The following NOSTRIN variants were observed in gnomAD, a reference collection of about 807,000 sequenced individuals.
NOSTRIN encodes BM247 homolog.
Under a neutral mutation model 59.0 loss-of-function variants are expected in NOSTRIN, and 63 were observed. That is an observed-to-expected ratio of 1.07 (90% CI 0.87 to 1.32). The LOEUF (loss-of-function observed/expected upper bound fraction) is 1.32. Ranked by LOEUF, NOSTRIN falls within the 40% of genes most tolerant of loss-of-function variation. The pLI is 0.00. For missense variants in NOSTRIN, 512 were observed against 473.1 expected, an observed-to-expected ratio of 1.08 and a Z score of -0.76; for synonymous variants, 200 against 165.4, an observed-to-expected ratio of 1.21 and a Z score of -1.61.
At chr2:168,817,344 C>A (rs185903901) in intron 2 of NOSTRIN, among the ~76,000 whole-genome samples, 97 of 152,302 alleles carry the variant, frequency 6.4e-4, no homozygotes, top group Non-Finnish European at 1.0e-3. Flanking sequence ...AGCCCAGTGG[C>A]TTTCAAACCT....
At chr2:168,826,652 C>A (rs1687079563) in intron 3 of NOSTRIN, among the ~76,000 whole-genome samples, 1 of 152,158 alleles carries the variant, frequency 6.6e-6, no homozygotes, top group Non-Finnish European at 1.5e-5. Flanking sequence ...GTCCTGAGAC[C>A]CAGCTCCTCC....
At chr2:168,787,309 A>T (rs150177332) in intron 1 of NOSTRIN, among the ~76,000 whole-genome samples, 195 of 152,054 alleles carry the variant, frequency 1.3e-3, no homozygotes, top group African/African-American at 4.5e-3. Flanking sequence ...ATCCCTCCCC[A>T]TGGGCACTGT....
Position 168,860,789 on chromosome 2 carries a change from G to A in NOSTRIN, c.1180-6G>A. On this transcript the variant is annotated splice_region_variant and splice_polypyrimidine_tract_variant and intron_variant, in intron 13 of 15. Transcript: ENST00000317647. ...CAAAATATGACTTTTTATGTCATTT[G>A]AACAGGAGCATACTCATAGCTATGT... 1 of 1,541,234 alleles carries A rather than the reference G, an allele frequency of 6.5e-7. No individual in the cohort carries two copies. The highest frequency in any genetic ancestry group is 9.0e-7 in the Non-Finnish European group (1 of 1,114,584).
At chr2:168,807,224 AG>A (rs1277899428) in intron 1 of NOSTRIN, among the ~76,000 whole-genome samples, 4 of 152,102 alleles carry the variant, frequency 2.6e-5, no homozygotes, top group African/African-American at 9.7e-5. Flanking sequence ...ACCCCCACAA[AG>A]CAGGTAAGTT....
At chr2:168,830,197 G>A (rs575831807) in intron 5 of NOSTRIN, among the ~76,000 whole-genome samples, 1 of 152,224 alleles carries the variant, frequency 6.6e-6, no homozygotes, top group Non-Finnish European at 1.5e-5. Flanking sequence ...ATAGTCATTA[G>A]CATTTCTTTA....
upstream of NOSTRIN, chr2:168,802,537 C>T (rs535623604): frequency 3.7e-4 from 286 of 775,378 alleles, 1 homozygote; most frequent in South Asian, 2.1e-3. Flanking sequence ...CAAGGACTGA[C>T]GTACTCTAGG....
upstream of NOSTRIN, among the ~76,000 whole-genome samples, chr2:168,794,447 G>C (rs1214703083): frequency 2.0e-5 from 3 of 150,892 alleles, no homozygotes; most frequent in Non-Finnish European, 4.4e-5. Context: ...CGCCTCCCAG[G>C]TTCGCACCAT....
In NOSTRIN at chr2:168,861,965, G is replaced by C; in HGVS notation, c.1300G>C (p.Gly434Arg). 2 of 1,614,008 alleles carry C rather than the reference G, an allele frequency of 1.2e-6. No individual in the cohort carries two copies. The highest frequency in any genetic ancestry group is 1.7e-6 in the Non-Finnish European group (2 of 1,179,902). The change falls in exon 15 of 16, where the codon GGT becomes CGT. Residue 434 changes from glycine (G) to arginine (R), a missense_variant. Physicochemically the swap from Gly to Arg is moderately radical, Grantham distance 125. Transcript: ENST00000317647. ...TACAGCTTTATCTATTTCAGCCCCT[G>C]GTGCAGCCCAGCTCAGCAGCAGACT... is the stretch of plus-strand genomic sequence containing the variant. ...SNPGSSTPAP[G>R]AAQLSSRLCK...
chr2:168,827,569 T>C (rs1687122975), intron 3 of NOSTRIN, among the ~76,000 whole-genome samples: 1 of 152,050 alleles, frequency 6.6e-6, no homozygotes, highest in Admixed American at 6.6e-5. Flanking sequence ...ATTTTTTTCT[T>C]TTTGGTGGGG....
intron 5 of NOSTRIN, among the ~76,000 whole-genome samples, chr2:168,830,531 C>G (rs919058937): frequency 6.6e-6 from 1 of 152,152 alleles, no homozygotes; most frequent in African/African-American, 2.4e-5. Context: ...GTGTAGCATT[C>G]GCTAGATCTC....
In NOSTRIN at chr2:168,790,950, A is replaced by C. The variant is rs1039082211; in HGVS notation, c.-473+2902A>C. Among the ~76,000 whole-genome samples the C allele has an allele frequency of 3.9e-5, 6 of 152,328 alleles. No homozygotes were observed. The South Asian group carries it at 6.2e-4, about 16-fold the overall frequency. ...GTAACGAACTTGCAATTTGTTTGTA[A>C]CTTTGAGAGTATTTTTAATCAATAT... On this transcript the variant is annotated intron_variant, in intron 2 of 20. Transcript: ENST00000458381.
chr2:168,795,519 T>C (rs1685456367), upstream of NOSTRIN, among the ~76,000 whole-genome samples: 1 of 152,264 alleles, frequency 6.6e-6, no homozygotes, highest in Non-Finnish European at 1.5e-5. Context: ...AGTAAATTTA[T>C]ACTAACTTGT....
At chr2:168,822,059 T>C (rs1481866838) in intron 2 of NOSTRIN, among the ~76,000 whole-genome samples, 2 of 152,204 alleles carry the variant, frequency 1.3e-5, no homozygotes, top group Non-Finnish European at 2.9e-5. Context: ...AGCATCTGAG[T>C]TCATCAAGGG....
In NOSTRIN at chr2:168,851,146, C is replaced by T. The variant is rs1189822714; in HGVS notation, c.693C>T (p.Ser231=). The change falls in exon 9 of 16, where the codon AGC becomes AGT. Residue 231 remains serine (S), a synonymous_variant. Transcript: ENST00000317647. ...TATGCAATAACTTAAACCAGTACAG[C>T]CAACATATTTCTCTTTTTGGCCAAA... is the stretch of plus-strand genomic sequence containing the variant. The part of the protein sequence containing the change: ...QLLCNNLNQY[S]QHISLFGQTL... 3.1e-6 allele frequency: 5 copies of T among 1,609,048 alleles called. No homozygotes were observed. Among genetic ancestry groups the T allele is most frequent in the Non-Finnish European group, 4.3e-6 (5 of 1,175,318 alleles).
intron 3 of NOSTRIN, among the ~76,000 whole-genome samples, chr2:168,825,687 T>C (rs1470636917): frequency 6.6e-6 from 1 of 152,222 alleles, no homozygotes; most frequent in Non-Finnish European, 1.5e-5. Context: ...AGAAGAAAGA[T>C]ATTGGTATAC....
rs201471370 is a variant in NOSTRIN at position 168,828,239 on chromosome 2, G to C, written c.260+19G>C. ...TGCATCAGTGAGTTCTCCCACCCTG[G>C]CCTTTCTCCAACTCCAAAGGGAATC... is the stretch of plus-strand genomic sequence containing the variant. On this transcript the variant is annotated intron_variant, in intron 4 of 15. Coordinates refer to ENST00000317647, the MANE Select transcript of NOSTRIN (RefSeq NM_001039724.4). 15 of 872,910 alleles carry C rather than the reference G, an allele frequency of 1.7e-5. No homozygotes were observed. Among genetic ancestry groups the C allele is most frequent in the African/African-American group, 1.6e-4 (10 of 61,430 alleles). The allele number at this position is 872,910 out of a possible 1,614,324, so 54.1% of individuals were successfully genotyped here.
At chr2:168,808,310 C>T (rs145872846) in intron 1 of NOSTRIN, among the ~76,000 whole-genome samples, 2 of 152,302 alleles carry the variant, frequency 1.3e-5, no homozygotes, top group South Asian at 4.2e-4. Context: ...TGATGGTGGA[C>T]TGGTAGGGCC....
intron 2 of NOSTRIN, among the ~76,000 whole-genome samples, chr2:168,816,353 C>T (rs995072814): frequency 1.3e-5 from 2 of 152,176 alleles, no homozygotes; most frequent in Non-Finnish European, 2.9e-5. Context: ...TAGCCCTCAT[C>T]ATTTTATAAA....
chr2:168,856,615 T>G, intron 11 of NOSTRIN, 75 bp from the exon 12 acceptor site: 16 of 1,352,362 alleles, frequency 1.2e-5, no homozygotes, highest in South Asian at 2.4e-5. Context: ...AGGCTCCCTT[T>G]GAGAGCGACC....
Sources: gnomAD v4.1 joint callset for allele counts (sites outside exome capture counted in the v4.1 genomes callset) on GRCh38, gnomAD v4.1.1 for gene constraint, MANE v1.5 for transcripts, NCBI Gene and HGNC (gene_info 2026-07-23, HGNC 2026-07-21) for gene names.